AURKA: variants seen among roughly 807,000 people sequenced by gnomAD.
AURKA encodes the protein aurora 2.
In AURKA, 12 loss-of-function variants were observed where a neutral mutation model predicts 40.9. The observed-to-expected ratio is 0.29, with a 90% confidence interval of 0.19 to 0.48. The LOEUF is 0.48. Among genes scored for constraint, AURKA ranks in the 20% least tolerant of loss-of-function variants. The probability of loss-of-function intolerance (pLI) is 0.99; values close to 1 mark genes in which losing one functional copy is unlikely to be tolerated. For missense variants in AURKA, 322 were observed against 462.1 expected (o/e 0.70, Z 2.78); for synonymous variants, 170 against 164.3 (o/e 1.03, Z -0.26).
Position 56,383,145 on chromosome 20 carries a change from C to T in AURKA, c.406G>A (p.Gly136Ser). ...RQWALEDFEI[G>S]RPLGKGKFGN... Reference sequence around the variant, plus strand: ...AACTTTCCTTTACCCAGAGGGCGACCAATTTCAAAGTCTTCCAAAGCCCAC... The same window carrying T: ...AACTTTCCTTTACCCAGAGGGCGACTAATTTCAAAGTCTTCCAAAGCCCAC... The change falls in exon 5 of 9, where the codon GGT becomes AGT. Residue 136 changes from glycine to serine, a missense_variant. Transcript: ENST00000395915. The T allele has an allele frequency of 6.2e-7, 1 of 1,614,196 alleles. No homozygotes were observed. The highest frequency in any genetic ancestry group is 8.5e-7 in the Non-Finnish European group (1 of 1,180,040).
rs753618383 is a variant in AURKA, at chr20:56,386,475, T to C, written c.101A>G (p.Gln34Arg). ...GCCACTATTTACAGGTAATGGATTCTGACAAGGAAATTGCTGAGTCACGAG... is the reference window on the plus strand; with the variant it reads ...GCCACTATTTACAGGTAATGGATTCCGACAAGGAAATTGCTGAGTCACGAG... ...RVLVTQQFPC[Q>R]NPLPVNSGQA... Residue 34 changes from glutamine to arginine, a missense_variant, in exon 3 of 9, where the codon CAG (glutamine) becomes CGG (arginine). By Grantham distance (43) the Gln-to-Arg change is conservative. Coordinates refer to ENST00000395915, the MANE Select transcript of AURKA (RefSeq NM_198437.3). 2 of 1,614,106 alleles carry C rather than the reference T, an allele frequency of 1.2e-6. No homozygotes were observed. The highest frequency in any genetic ancestry group is 8.5e-7 in the Non-Finnish European group (1 of 1,180,046).
chr20:56,384,935 C>T (rs1304635925), intron 3 of AURKA, among the ~76,000 whole-genome samples: 3 of 152,172 alleles, frequency 2.0e-5, no homozygotes, highest in East Asian at 1.9e-4. Flanking sequence ...ATAGCAAACT[C>T]GAACAGCACA....
intron 5 of AURKA, among the ~76,000 whole-genome samples, chr20:56,382,514 C>T (rs1331668973): frequency 6.6e-6 from 1 of 152,222 alleles, no homozygotes; most frequent in African/African-American, 2.4e-5. Context: ...CTCGCAATTC[C>T]TGCATACCTC....
At chr20:56,371,331 G>A (rs1467471179) in intron 7 of AURKA, among the ~76,000 whole-genome samples, 1 of 151,862 alleles carries the variant, frequency 6.6e-6, no homozygotes, top group Non-Finnish European at 1.5e-5. Flanking sequence ...GTGTGGTGGT[G>A]TGCGCCTGTA....
At position 56,373,436 on chromosome 20, in the gene AURKA, C is replaced by G; in HGVS notation, c.826G>C (p.Gly276Arg). 1 of 1,613,972 alleles carries G rather than the reference C, an allele frequency of 6.2e-7. No homozygotes were observed. The highest frequency in any genetic ancestry group is 8.5e-7 in the Non-Finnish European group (1 of 1,180,040). ...SAGELKIADF[G>R]WSVHAPSSRR... ...GAAGATGGAGCATGTACTGACCACC[C>G]AAAATCTGCAATTTTAAGCTCTCCA... The change falls in exon 7 of 9, where the codon GGG (glycine) becomes CGG (arginine). Residue 276 changes from glycine (G) to arginine (R), a missense_variant. Gly to Arg is a moderately radical substitution (Grantham distance 125, BLOSUM62 -2). Coordinates refer to ENST00000395915, the MANE Select transcript of AURKA (RefSeq NM_198437.3). The surrounding 1 kb of genome is among the most constrained non-coding windows in gnomAD (Gnocchi z 5.0).
chr20:56,386,171 A>T, intron 3 of AURKA, 86 bp downstream of exon 3: 1 of 1,560,920 alleles, frequency 6.4e-7, no homozygotes, highest in Non-Finnish European at 8.8e-7. Context: ...CTAAGGCTCC[A>T]AACAATAAGT....
At chr20:56,391,236 G>A (rs1010058735) in intron 1 of AURKA, among the ~76,000 whole-genome samples, 19 of 152,234 alleles carry the variant, frequency 1.2e-4, no homozygotes, top group Non-Finnish European at 2.5e-4. Context: ...TGAAGGGAAG[G>A]ACGAACTGAG....
chr20:56,369,532 C>T lies in AURKA; in HGVS notation c.*626G>A, dbSNP rs34852291. On this transcript the variant is annotated 3_prime_UTR_variant, in exon 9 of 9. Transcript: ENST00000395915. ...CAAATCCCTAAATGGAGGTAGAGCA[C>T]GTGTTCCTATTTTTCACACTCTCAT... 2.2e-4 allele frequency: 53 copies of T among 242,496 alleles called. No homozygotes were observed. The highest frequency in any genetic ancestry group is 1.0e-3 in the African/African-American group (47 of 45,522). 15.0% of individuals were successfully genotyped at this position (242,496 alleles called of 1,614,324 possible).
Position 56,386,501 on chromosome 20 carries a change from A to G in AURKA, c.75T>C (p.Val25=). Residue 25 remains valine, a synonymous_variant, in exon 3 of 9, where the codon GTT becomes GTC. Transcript: ENST00000395915. Reference sequence around the variant, plus strand: ...GACAAGGAAATTGCTGAGTCACGAGAACACGTTTTGGACCTCCAACTGGAG... The same window carrying G: ...GACAAGGAAATTGCTGAGTCACGAGGACACGTTTTGGACCTCCAACTGGAG... ...ATAPVGGPKR[V]LVTQQFPCQN... is the part of the protein sequence containing the mutation. 1 of 1,614,228 alleles carries G rather than the reference A, an allele frequency of 6.2e-7. No individual in the cohort carries two copies. The highest frequency in any genetic ancestry group is 8.5e-7 in the Non-Finnish European group (1 of 1,180,038).
At chr20:56,387,871 T>C (rs1986557978) in intron 2 of AURKA, among the ~76,000 whole-genome samples, 1 of 152,224 alleles carries the variant, frequency 6.6e-6, no homozygotes, top group African/African-American at 2.4e-5. Flanking sequence ...TATGGCCAAT[T>C]TTAAAAGTTT....
At chr20:56,372,499 A>C (rs1984387622) in intron 7 of AURKA, among the ~76,000 whole-genome samples, 1 of 148,072 alleles carries the variant, frequency 6.8e-6, no homozygotes, top group Middle Eastern at 3.6e-3. Context: ...GGTTTGTCTC[A>C]CCAGATAACA....
At chr20:56,387,081 A>C (rs1258911262) in intron 2 of AURKA, among the ~76,000 whole-genome samples, 1 of 152,208 alleles carries the variant, frequency 6.6e-6, no homozygotes, top group African/African-American at 2.4e-5. Context: ...AAGTATTGAC[A>C]AAATGGAATT....
In AURKA at chr20:56,369,933, AAGT is replaced by A. The variant is rs1169511351; in HGVS notation, c.*222_*224del. On this transcript the variant is annotated 3_prime_UTR_variant, in exon 9 of 9. Transcript: ENST00000395915. ...TTGCCTCCAGATTATGAACCAGTAT[AAGT>A]AGCACAATTCTCGTGGCTACTTTCA... 4.7e-6 allele frequency: 3 copies of A among 642,098 alleles called. No homozygotes were observed. Among genetic ancestry groups the A allele is most frequent in the African/African-American group, 1.8e-5 (1 of 55,580 alleles). 39.8% of individuals were successfully genotyped at this position (642,098 alleles called of 1,614,324 possible).
rs1422893955 is a variant in AURKA, at chr20:56,386,514, C to T, written c.62G>A (p.Gly21Asp). Residue 21 changes from glycine (G) to aspartate (D), a missense_variant, in exon 3 of 9, where the codon GGT becomes GAT. Transcript: ENST00000395915. ...GPVKATAPVG[G>D]PKRVLVTQQF... is the part of the protein sequence containing the mutation. ...CTGAGTCACGAGAACACGTTTTGGA[C>T]CTCCAACTGGAGCTGTAGCCTAGAA... is the stretch of plus-strand genomic sequence containing the variant. 1.9e-6 allele frequency: 3 copies of T among 1,614,092 alleles called. No individual in the cohort carries two copies. Among genetic ancestry groups the T allele is most frequent in the Admixed American group, 3.3e-5 (2 of 60,004 alleles).
chr20:56,371,166 A>G (rs142754625), intron 7 of AURKA, among the ~76,000 whole-genome samples: 1 of 152,298 alleles, frequency 6.6e-6, no homozygotes, highest in East Asian at 1.9e-4. Context: ...TACTCTTGCC[A>G]AAAATATTTA....
At chr20:56,372,821 T>C (rs908726314) in intron 7 of AURKA, among the ~76,000 whole-genome samples, 1 of 152,242 alleles carries the variant, frequency 6.6e-6, no homozygotes, top group South Asian at 2.1e-4. Context: ...TGTAGTTCAC[T>C]TGGAAAGCTA....
intron 6 of AURKA, among the ~76,000 whole-genome samples, chr20:56,374,745 T>C (rs972803207): frequency 6.6e-6 from 1 of 152,092 alleles, no homozygotes; most frequent in Non-Finnish European, 1.5e-5. Context: ...CGAATTACCA[T>C]CTTGTAAGAA....
chr20:56,370,541 CAACT>C lies in AURKA; in HGVS notation c.969_972del (p.Val324GlyfsTer28), dbSNP rs1403131796. 1 of 1,614,096 alleles carries C rather than the reference CAACT, an allele frequency of 6.2e-7. No homozygotes were observed. The highest frequency in any genetic ancestry group is 8.5e-7 in the Non-Finnish European group (1 of 1,180,030). On this transcript the variant is annotated frameshift_variant, in exon 8 of 9. Coordinates refer to ENST00000395915, the MANE Select transcript of AURKA (RefSeq NM_198437.3). LOFTEE classifies it high-confidence loss of function. ...GTGTTTGCCTCAAAAGGAGGCTTCC[CAACT>C]AAAAATTCATAGCAAAGAACTCCAA...
intron 1 of AURKA, chr20:56,390,686 A>G (rs530803893): frequency 1.3e-5 from 2 of 151,504 alleles, no homozygotes; most frequent in African/African-American, 4.9e-5. Context: ...AAAAAAAATT[A>G]AGATTACCAT....
Sources: allele counts gnomAD v4.1 joint callset (sites outside exome capture counted in the v4.1 genomes callset), GRCh38; gene constraint gnomAD v4.1.1; non-coding constraint Gnocchi (gnomAD v3.1); transcripts MANE v1.5; gene names NCBI Gene and HGNC (gene_info 2026-07-23, HGNC 2026-07-21).